The following PATJ variants were observed in gnomAD, a reference collection of about 807,000 sequenced individuals.
PATJ encodes inaD-like protein.
PATJ carries 190 observed loss-of-function variants against 224.9 expected under a neutral mutation model. The observed-to-expected ratio is 0.84, with a 90% CI of 0.75 to 0.95. PATJ has a LOEUF of 0.95. Ranked by LOEUF, PATJ falls within the 40% of genes least tolerant of loss-of-function variation. The probability of loss-of-function intolerance (pLI) is 0.00; values close to 1 mark genes in which losing one functional copy is unlikely to be tolerated. For synonymous variants in PATJ, 769 were observed against 820.3 expected (o/e 0.94, Z 1.07); for missense variants, 2,121 against 2,270.3 (o/e 0.93, Z 1.34).
At chr1:61,921,041 C>G (rs1057125684) in intron 26 of PATJ, among the ~76,000 whole-genome samples, 3 of 152,074 alleles carry the variant, frequency 2.0e-5, no homozygotes, top group African/African-American at 4.8e-5. Context: ...CCTTTTTCCT[C>G]TTTTTCTCTT....
chr1:61,986,496 T>C (rs556145011), intron 27 of PATJ, among the ~76,000 whole-genome samples: 2 of 152,212 alleles, frequency 1.3e-5, no homozygotes, highest in East Asian at 1.9e-4. Flanking sequence ...TCATGGCTCA[T>C]TGTAACCTTG....
intron 27 of PATJ, among the ~76,000 whole-genome samples, chr1:61,972,723 T>C (rs1683151813): frequency 6.6e-6 from 1 of 152,136 alleles, no homozygotes; most frequent in African/African-American, 2.4e-5. Context: ...CTTTACATTC[T>C]TTAATTCTAT....
intron 29 of PATJ, among the ~76,000 whole-genome samples, chr1:62,034,987 G>T (rs182431918): frequency 2.6e-5 from 4 of 152,122 alleles, no homozygotes; most frequent in Non-Finnish European, 4.4e-5. Context: ...TATACTCTGC[G>T]CTGTGAGTTC....
intron 22 of PATJ, among the ~76,000 whole-genome samples, chr1:61,884,885 G>A (rs1248691581): frequency 6.6e-6 from 1 of 152,196 alleles, no homozygotes; most frequent in Non-Finnish European, 1.5e-5. Context: ...AAGGGAAAAT[G>A]ATGAGTTCAG....
intron 27 of PATJ, among the ~76,000 whole-genome samples, chr1:61,974,880 C>T (rs923321646): frequency 2.0e-5 from 3 of 151,992 alleles, no homozygotes; most frequent in Non-Finnish European, 4.4e-5. Context: ...TGTGAAGGTT[C>T]TGGACTAGTT....
intron 12 of PATJ, among the ~76,000 whole-genome samples, chr1:61,802,373 G>A (rs573527546): frequency 7.9e-5 from 12 of 152,318 alleles, no homozygotes; most frequent in Non-Finnish European, 1.3e-4. Context: ...GATTATAGGC[G>A]TGAGCCACCG....
chr1:61,975,340 A>G (rs1206733966), intron 27 of PATJ, among the ~76,000 whole-genome samples: 1 of 152,054 alleles, frequency 6.6e-6, no homozygotes, highest in Non-Finnish European at 1.5e-5. Flanking sequence ...ATCTCAAATC[A>G]TATTTGGAAC....
intron 24 of PATJ, among the ~76,000 whole-genome samples, chr1:61,901,666 A>G (rs1390582228): frequency 6.6e-6 from 1 of 152,304 alleles, no homozygotes; most frequent in East Asian, 1.9e-4. Flanking sequence ...TAAAATGATA[A>G]AAACTTCAGC....
In PATJ at chr1:61,822,443, A is replaced by AAG. The variant is rs202159592; in HGVS notation, c.1684-501_1684-500insGA. The stretch of plus-strand genomic sequence containing the variant: ...AGACTGTGTCAGAAAAAAAAAAAAA[A>AAG]AAAGAAAAGAAAAGAAATTCTAAGC... On this transcript the variant is annotated intron_variant, in intron 14 of 43. Coordinates refer to ENST00000642238, the MANE Select transcript of PATJ (RefSeq NM_001350145.3). Among the ~76,000 whole-genome samples, 186 of 151,328 alleles carry AAG rather than the reference A, an allele frequency of 1.2e-3. 4 individuals are homozygous for AAG. In the East Asian group the frequency reaches 0.025, roughly 21 times the overall value.
chr1:61,833,420 TA>T (rs1037050481), intron 16 of PATJ: 16 of 329,208 alleles, frequency 4.9e-5, no homozygotes, highest in African/African-American at 2.8e-4. Flanking sequence ...TTCACATTAA[TA>T]AAAAAAACTG....
intron 31 of PATJ, among the ~76,000 whole-genome samples, chr1:62,052,600 G>T (rs1653831784): frequency 6.6e-6 from 1 of 152,106 alleles, no homozygotes; most frequent in Middle Eastern, 3.4e-3. Context: ...AAATTAGCTG[G>T]GCGTGGTGGT....
chr1:61,955,451 T>TG (rs1680313194), intron 27 of PATJ, among the ~76,000 whole-genome samples: 1 of 152,124 alleles, frequency 6.6e-6, no homozygotes, highest in East Asian at 1.9e-4. Context: ...TCCAGACTTG[T>TG]GAGTCTACTA....
intron 27 of PATJ, among the ~76,000 whole-genome samples, chr1:61,950,716 GT>G (rs1030650659): frequency 1.3e-5 from 2 of 151,638 alleles, no homozygotes; most frequent in African/African-American, 4.8e-5. Flanking sequence ...TCTTTTTTTT[GT>G]TTTTTGTTTG....
chr1:61,773,085 A>G, intron 6 of PATJ, among the ~76,000 whole-genome samples: 1 of 151,992 alleles, frequency 6.6e-6, no homozygotes, highest in African/African-American at 2.4e-5. Context: ...GCAGGGCGTG[A>G]TCTCGGCTCA....
intron 20 of PATJ, among the ~76,000 whole-genome samples, chr1:61,870,395 T>C (rs1666151114): frequency 6.6e-6 from 1 of 152,160 alleles, no homozygotes; most frequent in South Asian, 2.1e-4. Flanking sequence ...CTCTGCCAGC[T>C]GAGTCTAGGG....
intron 1 of PATJ, among the ~76,000 whole-genome samples, chr1:61,749,732 G>A (rs777022211): frequency 6.6e-6 from 1 of 151,768 alleles, no homozygotes; most frequent in Non-Finnish European, 1.5e-5. Flanking sequence ...GCTATGGAGT[G>A]CAGTGGTGTG....
At chr1:61,814,551 C>T (rs990448171) in intron 14 of PATJ, among the ~76,000 whole-genome samples, 1,560 of 118,160 alleles carry the variant, frequency 0.013, 21 homozygotes, top group African/African-American at 0.048. Flanking sequence ...TGTGTGTGCG[C>T]GCGCGCGCGC....
chr1:62,022,959 A>T (rs1268904157), intron 29 of PATJ, among the ~76,000 whole-genome samples: 1 of 152,166 alleles, frequency 6.6e-6, no homozygotes, highest in Admixed American at 6.5e-5. Context: ...TCTTAAGGAG[A>T]TGACCATCTG....
At chr1:61,876,109 A>G (rs180920243) in intron 21 of PATJ, among the ~76,000 whole-genome samples, 148 of 152,224 alleles carry the variant, frequency 9.7e-4, no homozygotes, top group African/African-American at 3.5e-3. Flanking sequence ...GTAAGGGGAG[A>G]GAGGGCTGTA....
Sources: gnomAD v4.1 joint callset for allele counts (sites outside exome capture counted in the v4.1 genomes callset) on GRCh38, gnomAD v4.1.1 for gene constraint, MANE v1.5 for transcripts, NCBI Gene and HGNC (gene_info 2026-07-23, HGNC 2026-07-21) for gene names.